The following ITPR1 variants were observed in gnomAD, a reference collection of about 807,000 sequenced individuals.
ITPR1 encodes inositol 1,4,5-trisphosphate receptor type 1, also known as inositol 1,4,5-trisphosphate-gated calcium channel ITPR1.
In ITPR1, 96 loss-of-function variants were observed where a neutral mutation model predicts 318.4. The observed-to-expected ratio is 0.30, with a 90% CI of 0.26 to 0.36. The LOEUF (loss-of-function observed/expected upper bound fraction) is 0.36. Ranked by LOEUF, ITPR1 falls within the 10% of genes least tolerant of loss-of-function variation. ITPR1 has a pLI of 1.00. For synonymous variants in ITPR1, 1,312 were observed against 1,289.9 expected, an observed-to-expected ratio of 1.02 and a Z score of -0.37; for missense variants, 2,440 against 3,460.2, an observed-to-expected ratio of 0.71 and a Z score of 7.40.
At chr3:4,529,112 A>C (rs113645716) in intron 4 of ITPR1, among the ~76,000 whole-genome samples, 1 of 152,106 alleles carries the variant, frequency 6.6e-6, no homozygotes, top group Non-Finnish European at 1.5e-5. Flanking sequence ...GTACCCTGAA[A>C]ATGAGCATAA....
intron 4 of ITPR1, among the ~76,000 whole-genome samples, chr3:4,523,565 T>C (rs304021): frequency 0.99 from 150,254 of 152,224 alleles, 74,181 homozygotes; most frequent in Middle Eastern, 1. Context: ...CTGTATCCCT[T>C]GGCCAACCTC....
At chr3:4,674,365 T>C (rs1327966105) in intron 22 of ITPR1, 22 bp downstream of exon 22, 1 of 1,591,114 alleles carries the variant, frequency 6.3e-7, no homozygotes, top group Non-Finnish European at 8.6e-7. Context: ...TGAAATCTTC[T>C]ATGTGTATTA....
intron 10 of ITPR1, among the ~76,000 whole-genome samples, chr3:4,650,363 T>G (rs2093565120): frequency 6.6e-6 from 1 of 152,178 alleles, no homozygotes; most frequent in Admixed American, 6.5e-5. Flanking sequence ...GCGTCCCAGT[T>G]CTCCATGTGG....
intron 53 of ITPR1, chr3:4,800,131 T>G: frequency 2.5e-6 from 1 of 407,054 alleles, no homozygotes; most frequent in Non-Finnish European, 4.4e-6. Context: ...TGACATGTTT[T>G]TGTGGGGAGG....
At position 4,697,131 on chromosome 3, in the gene ITPR1, T is replaced by G; in HGVS notation, c.4282-16T>G. 1 of 1,609,164 alleles carries G rather than the reference T, an allele frequency of 6.2e-7. No homozygotes were observed. The highest frequency in any genetic ancestry group is 8.5e-7 in the Non-Finnish European group (1 of 1,177,310). On this transcript the variant is annotated splice_polypyrimidine_tract_variant and intron_variant, in intron 33 of 61. Coordinates refer to ENST00000649015, the MANE Select transcript of ITPR1 (RefSeq NM_001378452.1). ...ACCAAGATGGTTTTTCAGAAAAGCT[T>G]CTTTCTATCTTGCAGGTTAAAATTG...
chr3:4,530,066 C>A (rs763740133), intron 4 of ITPR1, among the ~76,000 whole-genome samples: 8 of 152,108 alleles, frequency 5.3e-5, no homozygotes, highest in Non-Finnish European at 1.0e-4. Context: ...AAAAATTACC[C>A]GATTTCTTAA....
intron 60 of ITPR1, among the ~76,000 whole-genome samples, chr3:4,827,131 A>G (rs1018441810): frequency 6.6e-6 from 1 of 152,182 alleles, no homozygotes; most frequent in African/African-American, 2.4e-5. Context: ...GGCAGATCTG[A>G]TAAGCTCCAA....
intron 44 of ITPR1, among the ~76,000 whole-genome samples, chr3:4,740,584 G>A (rs535007969): frequency 4.7e-4 from 71 of 152,292 alleles, no homozygotes; most frequent in Admixed American, 3.1e-3. Flanking sequence ...GAAATGCCTG[G>A]AAGCCAAATA....
At chr3:4,823,107 A>T (rs1355164624) in intron 60 of ITPR1, among the ~76,000 whole-genome samples, 1 of 152,190 alleles carries the variant, frequency 6.6e-6, no homozygotes, top group Non-Finnish European at 1.5e-5. Context: ...GTTAGTCTAT[A>T]GATGATGATT....
chr3:4,586,795 T>G (rs2089951884), intron 4 of ITPR1, among the ~76,000 whole-genome samples: 1 of 151,684 alleles, frequency 6.6e-6, no homozygotes, highest in African/African-American at 2.4e-5. Context: ...ATTAAATGCA[T>G]ATTGGTTTGT....
chr3:4,590,053 C>T (rs2090258232), intron 4 of ITPR1, among the ~76,000 whole-genome samples: 1 of 152,074 alleles, frequency 6.6e-6, no homozygotes, highest in Non-Finnish European at 1.5e-5. Flanking sequence ...AGGACTCATG[C>T]CCTCACTTGT....
chr3:4,633,218 G>A (rs1021676988), intron 5 of ITPR1, among the ~76,000 whole-genome samples: 3 of 152,184 alleles, frequency 2.0e-5, no homozygotes, highest in African/African-American at 7.2e-5. Context: ...TTACAGGCAT[G>A]AGCCACTGGG....
chr3:4,660,495 A>C (rs1027773250), intron 13 of ITPR1, among the ~76,000 whole-genome samples: 3 of 151,244 alleles, frequency 2.0e-5, no homozygotes, highest in Admixed American at 6.6e-5. Context: ...TCCGTCTTTT[A>C]CTTTTAAAAT....
At chr3:4,838,255 A>T (rs2051075886) in intron 61 of ITPR1, among the ~76,000 whole-genome samples, 1 of 152,226 alleles carries the variant, frequency 6.6e-6, no homozygotes, top group Non-Finnish European at 1.5e-5. Context: ...TGAGCTTGGT[A>T]GCTACATAAA....
intron 4 of ITPR1, among the ~76,000 whole-genome samples, chr3:4,581,398 T>C (rs2089323840): frequency 6.6e-6 from 1 of 152,234 alleles, no homozygotes; most frequent in Non-Finnish European, 1.5e-5. Context: ...AAGGCTTCTT[T>C]GTTCTTCCCA....
chr3:4,737,805 C>T (rs2043384264), intron 44 of ITPR1, among the ~76,000 whole-genome samples: 1 of 152,168 alleles, frequency 6.6e-6, no homozygotes, highest in Non-Finnish European at 1.5e-5. Context: ...CTCATAATGG[C>T]ACAAGAGAGC....
intron 42 of ITPR1, among the ~76,000 whole-genome samples, chr3:4,729,256 T>A (rs1378716570): frequency 6.6e-6 from 1 of 152,130 alleles, no homozygotes; most frequent in Non-Finnish European, 1.5e-5. Flanking sequence ...TGCTGTAAAA[T>A]GGGGGTGACA....
intron 56 of ITPR1, among the ~76,000 whole-genome samples, chr3:4,812,467 T>C (rs1471077861): frequency 2.6e-5 from 4 of 152,220 alleles, no homozygotes; most frequent in Non-Finnish European, 5.9e-5. Flanking sequence ...TGAGCTCATG[T>C]TATTTTTACA....
intron 2 of ITPR1, among the ~76,000 whole-genome samples, chr3:4,512,472 T>C (rs1043889637): frequency 2.0e-5 from 3 of 152,202 alleles, no homozygotes; most frequent in Admixed American, 6.5e-5. Flanking sequence ...TTGAGTGTAA[T>C]TCGCTATTGT....
Sources: allele counts gnomAD v4.1 joint callset (sites outside exome capture counted in the v4.1 genomes callset), GRCh38; gene constraint gnomAD v4.1.1; transcripts MANE v1.5; gene names NCBI Gene and HGNC (gene_info 2026-07-23, HGNC 2026-07-21).